The following LEPROTL1 variants were observed in gnomAD, a reference collection of about 807,000 sequenced individuals.
LEPROTL1 encodes leptin receptor overlapping transcript-like 1.
A neutral mutation model predicts 15.4 loss-of-function variants in LEPROTL1; 6 were observed. The observed-to-expected ratio is 0.39, with a 90% CI of 0.21 to 0.77. The LOEUF (loss-of-function observed/expected upper bound fraction) is 0.77. Among genes scored for constraint, LEPROTL1 ranks in the 30% least tolerant of loss-of-function variants. The pLI is 0.41. For synonymous variants in LEPROTL1, 56 were observed against 52.6 expected, an observed-to-expected ratio of 1.06 and a Z score of -0.28; for missense variants, 128 against 158.1, an observed-to-expected ratio of 0.81 and a Z score of 1.02.
At chr8:30,113,593 C>T (rs1802687905) in intron 3 of LEPROTL1, among the ~76,000 whole-genome samples, 1 of 152,146 alleles carries the variant, frequency 6.6e-6, no homozygotes, top group Non-Finnish European at 1.5e-5. Flanking sequence ...GACTACGCAT[C>T]TCCACGTACA....
chr8:30,117,917 A>G, intron 3 of LEPROTL1: 1 of 507,798 alleles, frequency 2.0e-6, no homozygotes, highest in Non-Finnish European at 3.4e-6. Context: ...TACATTGTAG[A>G]AAAATGCTTA....
intron 1 of LEPROTL1, 89 bp downstream of exon 1, chr8:30,095,617 G>C (rs1334611831): frequency 7.3e-5 from 82 of 1,119,028 alleles, no homozygotes; most frequent in Non-Finnish European, 9.0e-5. Flanking sequence ...CTTCCCCTCC[G>C]GGCTCGCGCG....
intron 4 of LEPROTL1, chr8:30,133,048 CAAAAT>C: frequency 1.6e-6 from 1 of 619,354 alleles, no homozygotes; most frequent in Non-Finnish European, 2.5e-6. Flanking sequence ...GGACCCCACA[CAAAAT>C]AAATCTTAAA....
chr8:30,109,094 A>G (rs1204207502), downstream of LEPROTL1, among the ~76,000 whole-genome samples: 2 of 149,632 alleles, frequency 1.3e-5, no homozygotes, highest in Non-Finnish European at 3.0e-5. Context: ...TGGCCAAAAT[A>G]ATCCAGATTT....
In LEPROTL1 at chr8:30,097,688, T is replaced by TAAAA. The variant is rs1240359015; in HGVS notation, c.16+2161_16+2162insAAAA. 2.0e-3 allele frequency among the ~76,000 whole-genome samples: 238 copies of TAAAA among 118,498 alleles called. 10 individuals are homozygous for TAAAA. The highest frequency in any genetic ancestry group is 4.2e-3 in the Middle Eastern group (1 of 236). 77.7% of individuals were successfully genotyped at this position (118,498 alleles called of 152,430 possible). ...CTCTGTCTCAAAAAAAAAAAAAATA[T>TAAAA]ATATATATATACACACACACACACA... On this transcript the variant is annotated intron_variant, in intron 1 of 3. Transcript: ENST00000321250.
In LEPROTL1 at chr8:30,106,553, G is replaced by A. The variant is rs1440110320; in HGVS notation, c.*691G>A. On this transcript the variant is annotated 3_prime_UTR_variant, in exon 4 of 4. Transcript: ENST00000321250. ...GTGCTTTTCTTCTCAATTGTTAGAA[G>A]AATTTATGTTAAACTTTAAGGTAAG... is the stretch of plus-strand genomic sequence containing the variant. The A allele has an allele frequency of 1.3e-5, 13 of 984,480 alleles. No individual in the cohort carries two copies. The highest frequency in any genetic ancestry group is 1.3e-5 in the Non-Finnish European group (11 of 829,108). 61.0% of individuals were successfully genotyped at this position (984,480 alleles called of 1,614,324 possible). A position where few individuals can be genotyped will look rare whatever the true frequency, so the allele number is the denominator to read the frequency against.
chr8:30,097,489 G>T (rs770592076), intron 1 of LEPROTL1, among the ~76,000 whole-genome samples: 3 of 151,662 alleles, frequency 2.0e-5, no homozygotes, highest in Non-Finnish European at 4.4e-5. Flanking sequence ...TGTCCAAGAT[G>T]GTGAAACCCC....
chr8:30,109,116 G>A (rs1282032517), downstream of LEPROTL1, among the ~76,000 whole-genome samples: 1 of 150,264 alleles, frequency 6.7e-6, no homozygotes, highest in Non-Finnish European at 1.5e-5. Context: ...TAAAGTCTAG[G>A]ATATTTATAT....
chr8:30,122,166 CAA>C (rs796786688), intron 3 of LEPROTL1, among the ~76,000 whole-genome samples: 2 of 130,108 alleles, frequency 1.5e-5, no homozygotes, highest in African/African-American at 2.8e-5. Flanking sequence ...GACTCCCTCT[CAA>C]AAAAAAAAAA....
At chr8:30,114,815 G>A (rs1802710913) in intron 3 of LEPROTL1, among the ~76,000 whole-genome samples, 1 of 152,174 alleles carries the variant, frequency 6.6e-6, no homozygotes, top group South Asian at 2.1e-4. Context: ...GCTATCAGTA[G>A]CATTGTCCGT....
chr8:30,112,801 A>G (rs114319209), downstream of LEPROTL1, among the ~76,000 whole-genome samples: 379 of 152,162 alleles, frequency 2.5e-3, 1 homozygote, highest in African/African-American at 8.9e-3. Flanking sequence ...GAGCTCACAT[A>G]GATAGTGAAT....
chr8:30,095,894 C>T (rs1033924074), intron 1 of LEPROTL1: 2 of 699,748 alleles, frequency 2.9e-6, no homozygotes, highest in African/African-American at 3.5e-5. Flanking sequence ...GAGAGGCAGG[C>T]AGAGCGTGGG....
At chr8:30,135,702 C>G (rs927055907) in intron 4 of LEPROTL1, among the ~76,000 whole-genome samples, 4 of 151,880 alleles carry the variant, frequency 2.6e-5, no homozygotes, top group Admixed American at 6.6e-5. Flanking sequence ...TCACTTGAGC[C>G]CAGGAGTTTG....
intron 4 of LEPROTL1, among the ~76,000 whole-genome samples, chr8:30,136,649 C>A (rs772435263): frequency 6.6e-6 from 1 of 152,140 alleles, no homozygotes; most frequent in African/African-American, 2.4e-5. Context: ...GTACTTCCTA[C>A]GCCCCACCCA....
downstream of LEPROTL1, among the ~76,000 whole-genome samples, chr8:30,113,274 AAAAAC>A (rs141047182): frequency 0.023 from 3,563 of 152,188 alleles, 138 homozygotes; most frequent in African/African-American, 0.081. Flanking sequence ...AGACTGTCAC[AAAAAC>A]AAAACAAACA....
At chr8:30,131,188 C>G (rs1253199300) in intron 3 of LEPROTL1, among the ~76,000 whole-genome samples, 1 of 151,546 alleles carries the variant, frequency 6.6e-6, no homozygotes, top group Non-Finnish European at 1.5e-5. Flanking sequence ...AACTCCTGGG[C>G]TCAAGAGATC....
chr8:30,096,402 G>C (rs1335018909), intron 1 of LEPROTL1: 3 of 985,196 alleles, frequency 3.0e-6, no homozygotes, highest in Non-Finnish European at 3.6e-6. Flanking sequence ...TCTGTAGAAG[G>C]GCAGTCAGGC....
chr8:30,109,302 CCTTT>C (rs1802620550), downstream of LEPROTL1, among the ~76,000 whole-genome samples: 1 of 152,032 alleles, frequency 6.6e-6, no homozygotes, highest in Non-Finnish European at 1.5e-5. Flanking sequence ...CTTGTATTGC[CCTTT>C]CTTTCAGTGA....
At chr8:30,123,322 A>G (rs572827357) in intron 3 of LEPROTL1, among the ~76,000 whole-genome samples, 7 of 152,362 alleles carry the variant, frequency 4.6e-5, no homozygotes, top group Middle Eastern at 3.4e-3. Context: ...ATGACCGTAG[A>G]CCATTCAATG....
Sources: allele counts gnomAD v4.1 joint callset (sites outside exome capture counted in the v4.1 genomes callset), GRCh38; gene constraint gnomAD v4.1.1; transcripts MANE v1.5; gene names NCBI Gene and HGNC (gene_info 2026-07-23, HGNC 2026-07-21).